AIG1: variants seen among roughly 807,000 people sequenced by gnomAD.
AIG1 encodes androgen-induced gene 1 protein.
A neutral mutation model predicts 31.4 loss-of-function variants in AIG1; 23 were observed. That is an observed-to-expected ratio of 0.73 (90% confidence interval 0.53 to 1.04). The LOEUF (loss-of-function observed/expected upper bound fraction) is 1.04, where lower values mean the gene tolerates loss of function less well. Ranked by LOEUF, AIG1 falls within the 50% of genes least tolerant of loss-of-function variation. The probability of loss-of-function intolerance (pLI) is 0.00; values close to 1 mark genes in which losing one functional copy is unlikely to be tolerated. For missense variants in AIG1, 274 were observed against 295.0 expected, an observed-to-expected ratio of 0.93 and a Z score of 0.52; for synonymous variants, 100 against 110.5, an observed-to-expected ratio of 0.90 and a Z score of 0.60.
At chr6:143,098,810 G>T (rs531038950) in intron 1 of AIG1, among the ~76,000 whole-genome samples, 1 of 152,208 alleles carries the variant, frequency 6.6e-6, no homozygotes, top group South Asian at 2.1e-4. Context: ...ACCTTTGTTA[G>T]CATCTTCTGT....
At chr6:143,083,378 C>T (rs1455170975) in intron 1 of AIG1, among the ~76,000 whole-genome samples, 1 of 152,182 alleles carries the variant, frequency 6.6e-6, no homozygotes, top group Non-Finnish European at 1.5e-5. Context: ...TAAAACAGTC[C>T]AGGTGAGTTG....
chr6:143,168,368 T>C (rs754688586), intron 3 of AIG1, among the ~76,000 whole-genome samples: 42 of 151,194 alleles, frequency 2.8e-4, no homozygotes, highest in Non-Finnish European at 4.9e-4. Flanking sequence ...TAACTCTTCA[T>C]TTAACATTAG....
chr6:143,249,590 A>G (rs547270377), intron 3 of AIG1, among the ~76,000 whole-genome samples: 2 of 152,120 alleles, frequency 1.3e-5, no homozygotes, highest in Non-Finnish European at 2.9e-5. Context: ...TAGCTCTCCA[A>G]TCTCTGCTCC....
rs527535442 is a variant in AIG1 at position 143,204,274 on chromosome 6, T to C, written c.399+39091T>C. The stretch of plus-strand genomic sequence containing the variant: ...CATGTGGATGACAGAGGTGACTCTG[T>C]GGTCTTTGGCTGACATTGTCTTGTG... On this transcript the variant is annotated intron_variant, in intron 3 of 5. Coordinates refer to ENST00000357847, the MANE Select transcript of AIG1 (RefSeq NM_016108.4). Among the ~76,000 whole-genome samples, 466 of 152,272 alleles carry C rather than the reference T, an allele frequency of 3.1e-3. 5 individuals are homozygous for C. Among genetic ancestry groups the C allele is most frequent in the African/African-American group, 0.011 (450 of 41,564 alleles).
chr6:143,122,654 A>G (rs1782338127), intron 1 of AIG1, among the ~76,000 whole-genome samples: 1 of 152,240 alleles, frequency 6.6e-6, no homozygotes, highest in Non-Finnish European at 1.5e-5. Flanking sequence ...TTACAGTAAC[A>G]TAATGGGTAC....
rs577356194 is a variant in AIG1, at chr6:143,091,064, A to G, written c.141+29998A>G. Reference sequence around the variant, plus strand: ...ACAGGTGTAGATTCCATTTCAAGAAAGCATTTTCTTTGCTCGTCTATAAGA... The same window carrying G: ...ACAGGTGTAGATTCCATTTCAAGAAGGCATTTTCTTTGCTCGTCTATAAGA... On this transcript the variant is annotated intron_variant, in intron 1 of 5. Coordinates refer to ENST00000357847, the MANE Select transcript of AIG1 (RefSeq NM_016108.4). Among the ~76,000 whole-genome samples the G allele has an allele frequency of 2.6e-4, 39 of 151,686 alleles. No homozygotes were observed. The Middle Eastern group carries it at 0.01, about 40-fold the overall frequency.
At chr6:143,301,806 T>A (rs1340680847) in intron 4 of AIG1, among the ~76,000 whole-genome samples, 2 of 152,134 alleles carry the variant, frequency 1.3e-5, no homozygotes, top group Non-Finnish European at 2.9e-5. Flanking sequence ...CCAAACCATA[T>A]CAGACAGTAT....
At chr6:143,130,685 C>G (rs1389504954) in intron 1 of AIG1, among the ~76,000 whole-genome samples, 1 of 152,134 alleles carries the variant, frequency 6.6e-6, no homozygotes, top group Non-Finnish European at 1.5e-5. Flanking sequence ...CACAACTGCA[C>G]TCCAGCTTGG....
chr6:143,324,709 A>G (rs949415228), intron 4 of AIG1, among the ~76,000 whole-genome samples: 2 of 152,230 alleles, frequency 1.3e-5, no homozygotes, highest in African/African-American at 4.8e-5. Context: ...TGGTTAGCTA[A>G]TTAGCTCTTA....
intron 2 of AIG1, among the ~76,000 whole-genome samples, chr6:143,158,735 C>G (rs1786037307): frequency 6.6e-6 from 1 of 152,084 alleles, no homozygotes; most frequent in Non-Finnish European, 1.5e-5. Flanking sequence ...TCCTTACACA[C>G]AGAAGGACAA....
chr6:143,120,742 G>A lies in AIG1; in HGVS notation c.142-16093G>A, dbSNP rs145406877. 5.3e-3 allele frequency among the ~76,000 whole-genome samples: 803 copies of A among 152,318 alleles called. 5 individuals carry two copies. Among genetic ancestry groups the A allele is most frequent in the African/African-American group, 0.012 (492 of 41,556 alleles). The stretch of plus-strand genomic sequence containing the variant: ...TTTCAGTTCAGCTCTGGGATTCACT[G>A]TCAATTATGGCAGAAAAGATGGATA... On this transcript the variant is annotated intron_variant, in intron 1 of 5. Transcript: ENST00000357847.
At chr6:143,207,396 T>C (rs897110902) in intron 3 of AIG1, among the ~76,000 whole-genome samples, 1 of 152,148 alleles carries the variant, frequency 6.6e-6, no homozygotes, top group East Asian at 1.9e-4. Context: ...GTTAATGTCA[T>C]TGCTTCCATA....
At chr6:143,083,682 C>T (rs891221733) in intron 1 of AIG1, among the ~76,000 whole-genome samples, 2 of 152,106 alleles carry the variant, frequency 1.3e-5, no homozygotes, top group African/African-American at 4.8e-5. Context: ...GCTTTTAGGT[C>T]CTTAACAATC....
chr6:143,320,431 T>G (rs971562829), intron 4 of AIG1, among the ~76,000 whole-genome samples: 7 of 152,142 alleles, frequency 4.6e-5, no homozygotes, highest in Non-Finnish European at 7.4e-5. Flanking sequence ...CATTATTCAC[T>G]GTGGTAAGGA....
chr6:143,178,251 T>C (rs1184170609), intron 3 of AIG1, among the ~76,000 whole-genome samples: 7 of 152,272 alleles, frequency 4.6e-5, no homozygotes, highest in Admixed American at 2.6e-4. Context: ...TCTGGGTGGA[T>C]GTGGTGGGAT....
chr6:143,194,684 C>G (rs888940541), intron 3 of AIG1, among the ~76,000 whole-genome samples: 4 of 152,266 alleles, frequency 2.6e-5, no homozygotes, highest in Non-Finnish European at 5.9e-5. Context: ...GGGAGTCCCC[C>G]AAGATGCTGT....
At chr6:143,282,411 G>C (rs896769131) in intron 3 of AIG1, among the ~76,000 whole-genome samples, 4 of 152,088 alleles carry the variant, frequency 2.6e-5, no homozygotes, top group African/African-American at 7.2e-5. Context: ...AACTATTGTT[G>C]CCATCTCAAA....
chr6:143,290,909 A>G (rs1340399055), intron 4 of AIG1, among the ~76,000 whole-genome samples: 1 of 152,102 alleles, frequency 6.6e-6, no homozygotes. Flanking sequence ...AAGGCCATCC[A>G]TGCTTCACTA....
At chr6:143,127,211 G>A (rs1782763873) in intron 1 of AIG1, among the ~76,000 whole-genome samples, 1 of 151,954 alleles carries the variant, frequency 6.6e-6, no homozygotes, top group African/African-American at 2.4e-5. Flanking sequence ...ATCCTCATAT[G>A]GGGACTCTTC....
Sources: gnomAD v4.1 joint callset for allele counts (sites outside exome capture counted in the v4.1 genomes callset) on GRCh38, gnomAD v4.1.1 for gene constraint, MANE v1.5 for transcripts, NCBI Gene and HGNC (gene_info 2026-07-23, HGNC 2026-07-21) for gene names.